The following SULF2 variants were observed in gnomAD, a reference collection of about 807,000 sequenced individuals.
SULF2 encodes the protein extracellular sulfatase Sulf-2.
In SULF2, 52 loss-of-function variants were observed where a neutral mutation model predicts 107.7. The ratio of observed to expected loss-of-function variants is 0.48; its 90% CI spans 0.39 to 0.61. The LOEUF (loss-of-function observed/expected upper bound fraction) is 0.61, where lower values mean the gene tolerates loss of function less well. SULF2 is among the 20% of genes least tolerant of loss of function. The pLI is 0.00. For synonymous variants in SULF2, 460 were observed against 464.3 expected (o/e 0.99, Z 0.12); for missense variants, 993 against 1,177.3 (o/e 0.84, Z 2.29).
At chr20:47,786,169 A>T (rs1286856421), upstream of SULF2, 1 of 152,242 alleles carries the variant, frequency 6.6e-6, no homozygotes, top group Non-Finnish European at 1.5e-5. Context: ...GTGTGTGCGT[A>T]ACACACAAAC....
Position 47,667,966 on chromosome 20 carries a change from G to T in SULF2, c.1577-1478C>A, listed in dbSNP as rs1342779728. ...AAGGGCCGAAGGATCCTGAGGGGCC[G>T]GGAAAGGCCTCCCCTCTCCAGCAGA... On this transcript the variant is annotated intron_variant, in intron 11 of 20. Coordinates refer to ENST00000688720, the MANE Select transcript of SULF2 (RefSeq NM_001387048.1). Among the ~76,000 whole-genome samples, 5 of 152,212 alleles carry T rather than the reference G, an allele frequency of 3.3e-5. 1 individual carries two copies. Among genetic ancestry groups the T allele is most frequent in the Admixed American group, 3.3e-4 (5 of 15,288 alleles).
intron 4 of SULF2, among the ~76,000 whole-genome samples, chr20:47,700,682 G>C (rs1416931373): frequency 2.4e-5 from 3 of 126,616 alleles, no homozygotes; most frequent in Non-Finnish European, 4.7e-5. Flanking sequence ...GTCTCGCTCT[G>C]TCTCCCAGGC....
chr20:47,754,707 A>G (rs2090240447), intron 2 of SULF2, among the ~76,000 whole-genome samples: 4 of 152,248 alleles, frequency 2.6e-5, no homozygotes, highest in Admixed American at 1.3e-4. Flanking sequence ...AATTTCCAGC[A>G]ACAATATCCG....
At chr20:47,696,674 G>T (rs887935308) in intron 4 of SULF2, among the ~76,000 whole-genome samples, 7 of 152,270 alleles carry the variant, frequency 4.6e-5, no homozygotes, top group African/African-American at 1.4e-4. Context: ...ACCAGATGGT[G>T]ATTTGTTGCA....
At chr20:47,749,675 T>C (rs373945057) in intron 2 of SULF2, among the ~76,000 whole-genome samples, 2 of 152,374 alleles carry the variant, frequency 1.3e-5, no homozygotes, top group African/African-American at 4.8e-5. Context: ...TGTTCACAGA[T>C]GGAAAGTGGA....
chr20:47,773,049 A>G (rs1355087761), intron 1 of SULF2, among the ~76,000 whole-genome samples: 2 of 152,182 alleles, frequency 1.3e-5, no homozygotes, highest in Non-Finnish European at 2.9e-5. Context: ...TTTCCAAAGT[A>G]AAAACTTTCA....
At chr20:47,771,327 C>T (rs146042679) in intron 1 of SULF2, among the ~76,000 whole-genome samples, 15 of 152,254 alleles carry the variant, frequency 9.9e-5, no homozygotes, top group South Asian at 2.1e-4. Flanking sequence ...CTGAAGGGCT[C>T]GTACCAGGAG....
intron 2 of SULF2, among the ~76,000 whole-genome samples, chr20:47,754,558 C>T (rs2090236434): frequency 6.6e-6 from 1 of 152,118 alleles, no homozygotes; most frequent in Non-Finnish European, 1.5e-5. Context: ...ACTTGTAGGC[C>T]CTAATCTATG....
At chr20:47,669,895 T>C (rs1049921391) in intron 11 of SULF2, among the ~76,000 whole-genome samples, 1 of 152,218 alleles carries the variant, frequency 6.6e-6, no homozygotes, top group African/African-American at 2.4e-5. Flanking sequence ...CTGTGCCACA[T>C]ATTGAAGCAA....
At chr20:47,745,930 C>T (rs1384545113) in intron 2 of SULF2, among the ~76,000 whole-genome samples, 1 of 152,180 alleles carries the variant, frequency 6.6e-6, no homozygotes, top group Admixed American at 6.5e-5. Flanking sequence ...TAGGTCTGCC[C>T]AAAAGGAAAG....
intron 1 of SULF2, among the ~76,000 whole-genome samples, chr20:47,759,375 G>A (rs1440273897): frequency 6.6e-6 from 1 of 152,116 alleles, no homozygotes; most frequent in Non-Finnish European, 1.5e-5. Context: ...TTGCCCCAGG[G>A]TCTTTGCACC....
chr20:47,722,279 G>A (rs924315530), intron 3 of SULF2, among the ~76,000 whole-genome samples: 2 of 151,778 alleles, frequency 1.3e-5, no homozygotes, highest in Non-Finnish European at 1.5e-5. Context: ...TTTTTTATTC[G>A]TTTGAGTTGA....
At chr20:47,753,944 GAGGGCCATTGAGACAC>G (rs765434133) in intron 2 of SULF2, among the ~76,000 whole-genome samples, 1 of 152,208 alleles carries the variant, frequency 6.6e-6, no homozygotes, top group Non-Finnish European at 1.5e-5. Flanking sequence ...GTTGGTCTCA[GAGGGCCATTGAGACAC>G]AGGGATGTCC....
intron 1 of SULF2, among the ~76,000 whole-genome samples, chr20:47,757,972 G>C (rs1272796918): frequency 2.0e-5 from 3 of 151,980 alleles, no homozygotes; most frequent in Non-Finnish European, 2.9e-5. Flanking sequence ...TTTTGGGCTG[G>C]ACAACTGGCA....
rs542977103 is a variant in SULF2 at position 47,780,827 on chromosome 20, T to C, written c.-101+4516A>G. The stretch of plus-strand genomic sequence containing the variant: ...CCTCGGCCTCTCAAAGTGCTGGGAT[T>C]ATAGGCATGAGCCAGCACGCCAGGC... On this transcript the variant is annotated intron_variant, in intron 1 of 20. Transcript: ENST00000688720. 7.2e-5 allele frequency among the ~76,000 whole-genome samples: 11 copies of C among 152,348 alleles called. No homozygotes were observed. In the South Asian group the frequency reaches 1.7e-3, roughly 23 times the overall value.
intron 17 of SULF2, among the ~76,000 whole-genome samples, chr20:47,662,632 C>T (rs2146388741): frequency 6.6e-6 from 1 of 152,286 alleles, no homozygotes; most frequent in South Asian, 2.1e-4. Context: ...ACTTCAGTCG[C>T]ATGTGTGTTT....
intron 6 of SULF2, 78 bp downstream of exon 6, chr20:47,684,353 A>G (rs2087925240): frequency 4.2e-6 from 6 of 1,431,078 alleles, no homozygotes; most frequent in African/African-American, 1.5e-5. Flanking sequence ...AAAACCCTGA[A>G]GGGCCAGGAG....
intron 1 of SULF2, among the ~76,000 whole-genome samples, chr20:47,775,176 C>A (rs886977542): frequency 3.3e-5 from 5 of 152,178 alleles, no homozygotes; most frequent in Non-Finnish European, 5.9e-5. Context: ...CTGTTTTGAC[C>A]AAGAGAAGGT....
chr20:47,691,680 G>A (rs1446965817), intron 4 of SULF2, among the ~76,000 whole-genome samples: 1 of 152,124 alleles, frequency 6.6e-6, no homozygotes, highest in Non-Finnish European at 1.5e-5. Flanking sequence ...CTTGGAAAGA[G>A]GATAAAATGT....
Sources: gnomAD v4.1 joint callset for allele counts (sites outside exome capture counted in the v4.1 genomes callset) on GRCh38, gnomAD v4.1.1 for gene constraint, MANE v1.5 for transcripts, NCBI Gene and HGNC (gene_info 2026-07-23, HGNC 2026-07-21) for gene names.